The following ADAMTSL1 variants were observed in gnomAD, a reference collection of about 807,000 sequenced individuals.
ADAMTSL1 encodes ADAMTS like 1.
ADAMTSL1 carries 126 observed loss-of-function variants against 201.8 expected under a neutral mutation model. The ratio of observed to expected loss-of-function variants is 0.62; its 90% CI spans 0.54 to 0.72. The LOEUF is 0.72. ADAMTSL1 is among the 30% of genes least tolerant of loss of function. The pLI is 0.00. For missense variants in ADAMTSL1, 2,679 were observed against 2,277.8 expected (o/e 1.18, Z -3.59); for synonymous variants, 1,121 against 903.4 (o/e 1.24, Z -4.32).
intron 2 of ADAMTSL1, among the ~76,000 whole-genome samples, chr9:18,517,040 G>A (rs914037068): frequency 1.3e-5 from 2 of 152,168 alleles, no homozygotes; most frequent in Admixed American, 6.5e-5. Context: ...GAGTCCTAGA[G>A]TTTCATAATA....
At chr9:18,331,416 T>C (rs1233208749) in intron 2 of ADAMTSL1, among the ~76,000 whole-genome samples, 1 of 152,236 alleles carries the variant, frequency 6.6e-6, no homozygotes, top group African/African-American at 2.4e-5. Flanking sequence ...ACACATCAAA[T>C]TGTGCCTCCC....
At chr9:18,047,074 C>T (rs914107396) in intron 1 of ADAMTSL1, among the ~76,000 whole-genome samples, 2 of 151,714 alleles carry the variant, frequency 1.3e-5, no homozygotes, top group Non-Finnish European at 2.9e-5. Flanking sequence ...CTTAAATTGA[C>T]AAGGGTGAAA....
chr9:18,718,141 C>G (rs532101), intron 14 of ADAMTSL1: 815,615 of 954,070 alleles, frequency 0.85, 350,359 homozygotes, highest in Admixed American at 0.91. Flanking sequence ...TTTTGACCTT[C>G]TTCCTTCCCT....
intron 1 of ADAMTSL1, among the ~76,000 whole-genome samples, chr9:18,069,098 T>TA (rs1191682654): frequency 2.6e-5 from 4 of 152,092 alleles, no homozygotes; most frequent in African/African-American, 9.6e-5. Context: ...GGTCTATCAT[T>TA]ACGTGACTCA....
chr9:18,869,631 G>T (rs1422947301), intron 23 of ADAMTSL1, among the ~76,000 whole-genome samples: 2 of 152,164 alleles, frequency 1.3e-5, no homozygotes, highest in East Asian at 1.9e-4. Context: ...GCATTTTAAA[G>T]TAATAGTTCC....
At chr9:18,396,988 T>C (rs1817778959) in intron 2 of ADAMTSL1, among the ~76,000 whole-genome samples, 1 of 145,634 alleles carries the variant, frequency 6.9e-6, no homozygotes, top group South Asian at 2.1e-4. Flanking sequence ...TTGATCTGGC[T>C]CTTGTATTTT....
chr9:18,376,668 T>C (rs1235918592), intron 2 of ADAMTSL1, among the ~76,000 whole-genome samples: 1 of 152,098 alleles, frequency 6.6e-6, no homozygotes, highest in Non-Finnish European at 1.5e-5. Flanking sequence ...TAGCTGAGCA[T>C]GGTGGAACCC....
intron 1 of ADAMTSL1, among the ~76,000 whole-genome samples, chr9:18,030,718 T>C (rs1016834281): frequency 2.0e-5 from 3 of 152,138 alleles, no homozygotes; most frequent in Admixed American, 1.3e-4. Flanking sequence ...TCTAGTAAAA[T>C]TGGAGAAATT....
intron 2 of ADAMTSL1, among the ~76,000 whole-genome samples, chr9:18,209,070 G>A (rs553606804): frequency 1.7e-3 from 259 of 152,204 alleles, no homozygotes; most frequent in Non-Finnish European, 2.9e-3. Flanking sequence ...TAGGTTTACA[G>A]TATGCCAAGA....
chr9:18,238,505 C>G (rs934267974), intron 2 of ADAMTSL1, among the ~76,000 whole-genome samples: 2 of 152,072 alleles, frequency 1.3e-5, no homozygotes, highest in African/African-American at 4.8e-5. Flanking sequence ...GTTACTTAAT[C>G]TCTCTGAATA....
intron 2 of ADAMTSL1, among the ~76,000 whole-genome samples, chr9:18,426,905 C>G (rs1354117272): frequency 6.6e-6 from 1 of 152,134 alleles, no homozygotes; most frequent in Non-Finnish European, 1.5e-5. Flanking sequence ...GAAAGCTGTT[C>G]CTTAATGAAT....
chr9:18,569,764 A>G (rs1822177502), intron 3 of ADAMTSL1, among the ~76,000 whole-genome samples: 2 of 152,242 alleles, frequency 1.3e-5, no homozygotes, highest in Admixed American at 6.5e-5. Flanking sequence ...GTGCAAAAAT[A>G]TATTAATACA....
intron 2 of ADAMTSL1, among the ~76,000 whole-genome samples, chr9:18,330,945 G>A (rs1386635732): frequency 6.6e-6 from 1 of 152,208 alleles, no homozygotes; most frequent in Non-Finnish European, 1.5e-5. Context: ...GCTCAAAGAA[G>A]CTTACGTAGC....
chr9:18,770,657 G>A lies in ADAMTSL1; in HGVS notation c.2273G>A (p.Arg758His), dbSNP rs779572745. The change falls in exon 17 of 29, where the codon CGC (arginine) becomes CAC (histidine). Residue 758 changes from arginine (R) to histidine (H), a missense_variant. Arg to His is a conservative substitution (Grantham distance 29, BLOSUM62 0). Transcript: ENST00000380548. ...AAACGTGAGGTTCTTTGCAAGCAGC[G>A]CATGGCTGATGGCAGCTTCCTGGAG... ...VQKREVLCKQRMADGSFLELP... is the reference protein window; with the variant it reads ...VQKREVLCKQHMADGSFLELP... 1.1e-5 allele frequency: 18 copies of A among 1,613,386 alleles called. No individual in the cohort carries two copies. Among genetic ancestry groups the A allele is most frequent in the East Asian group, 6.7e-5 (3 of 44,874 alleles).
chr9:18,784,199 T>C (rs1421011382), intron 19 of ADAMTSL1, among the ~76,000 whole-genome samples: 1 of 152,226 alleles, frequency 6.6e-6, no homozygotes, highest in Non-Finnish European at 1.5e-5. Context: ...CCAGGTCAGA[T>C]GACCCCCTCC....
intron 15 of ADAMTSL1, among the ~76,000 whole-genome samples, chr9:18,740,391 G>A (rs1328753626): frequency 6.8e-6 from 1 of 146,742 alleles, no homozygotes; most frequent in Non-Finnish European, 1.5e-5. Context: ...ATATCAAGGA[G>A]AGAAGAGAGG....
intron 23 of ADAMTSL1, among the ~76,000 whole-genome samples, chr9:18,847,880 G>C (rs1826233421): frequency 6.6e-6 from 1 of 152,220 alleles, no homozygotes; most frequent in African/African-American, 2.4e-5. Context: ...GCAACAGTGA[G>C]AGAAAAATCT....
intron 2 of ADAMTSL1, among the ~76,000 whole-genome samples, chr9:18,449,497 T>G (rs984789482): frequency 1.1e-4 from 16 of 152,064 alleles, no homozygotes; most frequent in Non-Finnish European, 2.1e-4. Context: ...CTTAATATAT[T>G]CAGAAATAAT....
At chr9:17,945,524 T>C (rs1827425095) in intron 1 of ADAMTSL1, among the ~76,000 whole-genome samples, 1 of 151,946 alleles carries the variant, frequency 6.6e-6, no homozygotes, top group African/African-American at 2.4e-5. Context: ...CACGTATGTT[T>C]ATTGCGGCAT....
Sources: gnomAD v4.1 joint callset for allele counts (sites outside exome capture counted in the v4.1 genomes callset) on GRCh38, gnomAD v4.1.1 for gene constraint, MANE v1.5 for transcripts, NCBI Gene and HGNC (gene_info 2026-07-23, HGNC 2026-07-21) for gene names.